The following IMMP1L variants were observed in gnomAD, a reference collection of about 807,000 sequenced individuals.
The protein encoded by IMMP1L is inner mitochondrial membrane peptidase subunit 1, also known as mitochondrial inner membrane protease subunit 1.
In IMMP1L, 24 loss-of-function variants were observed where a neutral mutation model predicts 21.8. The observed-to-expected ratio is 1.10, with a 90% CI of 0.80 to 1.55. IMMP1L has a LOEUF of 1.55. Ranked by LOEUF, IMMP1L falls within the 40% of genes most tolerant of loss-of-function variation. The probability of loss-of-function intolerance (pLI) is 0.00; values close to 1 mark genes in which losing one functional copy is unlikely to be tolerated. For synonymous variants in IMMP1L, 46 were observed against 62.8 expected, an observed-to-expected ratio of 0.73 and a Z score of 1.26; for missense variants, 195 against 200.7, an observed-to-expected ratio of 0.97 and a Z score of 0.17.
chr11:31,477,454 G>C, intron 1 of IMMP1L: 1 of 673,520 alleles, frequency 1.5e-6, no homozygotes, highest in Non-Finnish European at 1.8e-6. Flanking sequence ...CTTAACATAA[G>C]GTTACATATT....
At chr11:31,454,727 T>C (rs1380002917) in intron 4 of IMMP1L, among the ~76,000 whole-genome samples, 1 of 152,206 alleles carries the variant, frequency 6.6e-6, no homozygotes, top group Admixed American at 6.5e-5. Flanking sequence ...CTCTGATTAC[T>C]TAGCAAAGAC....
chr11:31,470,139 G>A (rs999916535), intron 1 of IMMP1L, among the ~76,000 whole-genome samples: 7 of 152,202 alleles, frequency 4.6e-5, no homozygotes, highest in Admixed American at 2.6e-4. Context: ...AATGGGCTGG[G>A]TGCAGTGGCT....
intron 3 of IMMP1L, among the ~76,000 whole-genome samples, chr11:31,456,876 CAAAAAAAAAAAAAAAA>C (rs56849120): frequency 1.1e-4 from 2 of 17,966 alleles, no homozygotes; most frequent in Non-Finnish European, 2.1e-4. Context: ...ACCATGTCTC[CAAAAAAAAAAAAAAAA>C]AAAAAAAAAA....
chr11:31,497,942 G>T (rs1281887673), intron 1 of IMMP1L, among the ~76,000 whole-genome samples: 1 of 152,120 alleles, frequency 6.6e-6, no homozygotes, highest in African/African-American at 2.4e-5. Flanking sequence ...AGCCAGTTCA[G>T]AGGGCAGACA....
chr11:31,497,910 T>C (rs1368678845), intron 1 of IMMP1L, among the ~76,000 whole-genome samples: 1 of 152,196 alleles, frequency 6.6e-6, no homozygotes, highest in Non-Finnish European at 1.5e-5. Flanking sequence ...ACACAAATTT[T>C]TTTAAAGGGC....
At chr11:31,449,756 T>C (rs915926701) in intron 4 of IMMP1L, among the ~76,000 whole-genome samples, 27 of 152,192 alleles carry the variant, frequency 1.8e-4, no homozygotes, top group Non-Finnish European at 5.9e-5. Flanking sequence ...GAACAATGTT[T>C]CACCTTTTGT....
At chr11:31,479,099 A>G (rs774861938) in intron 1 of IMMP1L, among the ~76,000 whole-genome samples, 1 of 152,072 alleles carries the variant, frequency 6.6e-6, no homozygotes, top group Non-Finnish European at 1.5e-5. Context: ...ATCTGTCCAG[A>G]ATAAATCTAA....
chr11:31,473,352 T>C (rs1234036996), intron 1 of IMMP1L, among the ~76,000 whole-genome samples: 1 of 152,128 alleles, frequency 6.6e-6, no homozygotes, highest in Non-Finnish European at 1.5e-5. Context: ...CCCGGCCCCT[T>C]TGATATCTCA....
chr11:31,452,875 C>T lies in IMMP1L; in HGVS notation c.321+3385G>A, dbSNP rs956959262. The T allele has an allele frequency of 1.9e-5, 12 of 638,508 alleles. No homozygotes were observed. The African/African-American group carries it at 2.2e-4, about 12-fold the overall frequency. 39.6% of individuals were successfully genotyped at this position (638,508 alleles called of 1,614,324 possible). On this transcript the variant is annotated intron_variant, in intron 4 of 5. Coordinates refer to ENST00000532287, the MANE Select transcript of IMMP1L (RefSeq NM_001304274.2). ...AAGCGATTCTCCTGCCTCAGCCTCC[C>T]AAGTAGCTGAGATGACAGGCGCCTG...
chr11:31,433,482 AT>A lies in IMMP1L; in HGVS notation c.409del (p.Ile137Ter). The part of the protein sequence containing the change: ...RCYGPIPYGL[I>X]RGRIFFKIWP... ...TACCTTAAAGAAGATTCGTCCTCTT[AT>A]TAGTCCATATGGAATAGGTCCATAG... is the stretch of plus-strand genomic sequence containing the variant. On this transcript the variant is annotated frameshift_variant, in exon 5 of 6. Coordinates refer to ENST00000532287, the MANE Select transcript of IMMP1L (RefSeq NM_001304274.2). 6.3e-7 allele frequency: 1 copy of A among 1,595,574 alleles called. No homozygotes were observed. Among genetic ancestry groups the A allele is most frequent in the Non-Finnish European group, 8.6e-7 (1 of 1,167,986 alleles).
chr11:31,493,419 C>T (rs150490968), intron 1 of IMMP1L, among the ~76,000 whole-genome samples: 1 of 152,250 alleles, frequency 6.6e-6, no homozygotes, highest in Non-Finnish European at 1.5e-5. Flanking sequence ...TAACCCACCC[C>T]CGCCATGATT....
intron 1 of IMMP1L, among the ~76,000 whole-genome samples, chr11:31,496,615 A>ATGTGTG (rs199866368): frequency 2.7e-5 from 4 of 148,992 alleles, no homozygotes; most frequent in African/African-American, 9.8e-5. Flanking sequence ...ACTGTGATAT[A>ATGTGTG]TGTGTGTGTG....
chr11:31,460,521 A>G, intron 3 of IMMP1L, 105 bp downstream of exon 3: 2 of 643,634 alleles, frequency 3.1e-6, no homozygotes, highest in Middle Eastern at 4.2e-4. Context: ...TAATATGTTT[A>G]TTTATGAAAG....
chr11:31,500,592 T>TGC (rs1554952078), intron 1 of IMMP1L, among the ~76,000 whole-genome samples: 1 of 107,334 alleles, frequency 9.3e-6, no homozygotes, highest in Non-Finnish European at 2.0e-5. Context: ...GTTCCACATA[T>TGC]GCACACACAC....
chr11:31,474,871 G>A (rs1404935279), intron 1 of IMMP1L, among the ~76,000 whole-genome samples: 2 of 152,042 alleles, frequency 1.3e-5, no homozygotes, highest in Admixed American at 6.5e-5. Context: ...GGCTCCCTGC[G>A]ATTCCTATGA....
At chr11:31,494,659 T>C (rs1009201637) in intron 1 of IMMP1L, among the ~76,000 whole-genome samples, 1 of 152,034 alleles carries the variant, frequency 6.6e-6, no homozygotes, top group African/African-American at 2.4e-5. Context: ...TTTTTTTTTT[T>C]GAAAAGTAGT....
chr11:31,443,865 T>G (rs1953422980), intron 4 of IMMP1L, among the ~76,000 whole-genome samples: 1 of 152,140 alleles, frequency 6.6e-6, no homozygotes, highest in Admixed American at 6.5e-5. Context: ...CCTATAGCAT[T>G]GGGGTTTGAG....
At chr11:31,507,366 T>C (rs1190648355) in intron 1 of IMMP1L, among the ~76,000 whole-genome samples, 1 of 152,200 alleles carries the variant, frequency 6.6e-6, no homozygotes, top group Non-Finnish European at 1.5e-5. Context: ...GGTGTGTATA[T>C]AGATCATCTT....
At chr11:31,499,065 C>G (rs1955537315) in intron 1 of IMMP1L, among the ~76,000 whole-genome samples, 1 of 152,060 alleles carries the variant, frequency 6.6e-6, no homozygotes. Context: ...CTGCTACTCT[C>G]TTCAAAAACT....
Sources: allele counts gnomAD v4.1 joint callset (sites outside exome capture counted in the v4.1 genomes callset), GRCh38; gene constraint gnomAD v4.1.1; transcripts MANE v1.5; gene names NCBI Gene and HGNC (gene_info 2026-07-23, HGNC 2026-07-21).